The following ALDH5A1 variants were observed in gnomAD, a reference collection of about 807,000 sequenced individuals.
The protein encoded by ALDH5A1 is aldehyde dehydrogenase 5 family member A1, also known as succinate-semialdehyde dehydrogenase, mitochondrial.
Under a neutral mutation model 54.7 loss-of-function variants are expected in ALDH5A1, and 33 were observed. That is an observed-to-expected ratio of 0.60 (90% CI 0.46 to 0.81). The LOEUF is 0.81. Ranked by LOEUF, ALDH5A1 falls within the 30% of genes least tolerant of loss-of-function variation. The probability of loss-of-function intolerance (pLI) is 0.00; values close to 1 mark genes in which losing one functional copy is unlikely to be tolerated. For synonymous variants in ALDH5A1, 294 were observed against 292.7 expected, an observed-to-expected ratio of 1.00 and a Z score of -0.05; for missense variants, 657 against 711.0, an observed-to-expected ratio of 0.92 and a Z score of 0.86.
Position 24,502,538 on chromosome 6 carries a change from C to T in ALDH5A1, c.370C>T (p.Leu124Phe). The change falls in exon 2 of 10, where the codon CTT becomes TTT. Residue 124 changes from leucine (L) to phenylalanine (F), a missense_variant. Leu to Phe is a conservative substitution (Grantham distance 22). Around this residue, in one of 2 missense-constraint regions of ALDH5A1, gnomAD observed 232 missense variants for 194.6 expected, o/e 1.19. Transcript: ENST00000357578. ...TCTTTTGCAGGAGAGGAGTTCATTA[C>T]TTCGGAAGTGGTACAATTTAATGAT... ...EVSAKERSSL[L>F]RKWYNLMIQN... is the part of the protein sequence containing the mutation. The T allele has an allele frequency of 6.2e-7, 1 of 1,612,376 alleles. No homozygotes were observed. The highest frequency in any genetic ancestry group is 8.5e-7 in the Non-Finnish European group (1 of 1,178,424).
At chr6:24,513,345 A>G (rs113105558) in intron 4 of ALDH5A1, among the ~76,000 whole-genome samples, 27 of 152,244 alleles carry the variant, frequency 1.8e-4, no homozygotes, top group African/African-American at 6.0e-4. Context: ...GGTTACAAGC[A>G]TGAGCCACCA....
chr6:24,495,564 G>A (rs1480113593), intron 1 of ALDH5A1, among the ~76,000 whole-genome samples: 2 of 152,216 alleles, frequency 1.3e-5, no homozygotes, highest in Admixed American at 1.3e-4. Context: ...CACGACCCCT[G>A]CCCTCAAGCC....
intron 5 of ALDH5A1, among the ~76,000 whole-genome samples, chr6:24,519,152 C>T (rs981971702): frequency 1.3e-5 from 2 of 151,724 alleles, no homozygotes; most frequent in African/African-American, 2.4e-5. Flanking sequence ...AGTGCAGTGG[C>T]GCGATCCACA....
At chr6:24,498,211 C>T (rs779427146) in intron 1 of ALDH5A1, among the ~76,000 whole-genome samples, 10 of 152,080 alleles carry the variant, frequency 6.6e-5, no homozygotes, top group Non-Finnish European at 1.0e-4. Flanking sequence ...TTTGAGATGT[C>T]GGTTCACACC....
Position 24,518,608 on chromosome 6 carries a change from C to T in ALDH5A1, c.871-1793C>T, listed in dbSNP as rs1312674658. ...AAAGTTTAAATAGTTATGTTGCGTC[C>T]GATAAAGAAATATGTTTAGTCTTAA... On this transcript the variant is annotated intron_variant, in intron 5 of 9. Transcript: ENST00000357578. The surrounding 1 kb of genome is among the most constrained non-coding windows in gnomAD (Gnocchi z 4.2). 6.6e-6 allele frequency among the ~76,000 whole-genome samples: 1 copy of T among 152,092 alleles called. No individual in the cohort carries two copies. Among genetic ancestry groups the T allele is most frequent in the African/African-American group, 2.4e-5 (1 of 41,400 alleles).
At chr6:24,499,974 T>TTGTGTG (rs1332053445) in intron 1 of ALDH5A1, among the ~76,000 whole-genome samples, 21 of 123,788 alleles carry the variant, frequency 1.7e-4, no homozygotes, top group Admixed American at 4.4e-4. Context: ...CTCAGATAAT[T>TTGTGTG]TCTGTGTGTG....
chr6:24,500,130 A>G (rs961734690), intron 1 of ALDH5A1, among the ~76,000 whole-genome samples: 14 of 152,184 alleles, frequency 9.2e-5, no homozygotes, highest in Non-Finnish European at 1.6e-4. Flanking sequence ...TAATAATCCA[A>G]TGTATCCCTT....
Position 24,504,856 on chromosome 6 carries a change from C to T in ALDH5A1, c.610-13C>T, listed in dbSNP as rs1360568893. ...CTTCCTCTCACATACTTCCTCTGCT[C>T]TTCTAACCCCAGTGGAATTTCCCCA... is the stretch of plus-strand genomic sequence containing the variant. On this transcript the variant is annotated splice_polypyrimidine_tract_variant and intron_variant, in intron 3 of 9. Coordinates refer to ENST00000357578, the MANE Select transcript of ALDH5A1 (RefSeq NM_001080.3). The T allele has an allele frequency of 2.1e-5, 34 of 1,610,980 alleles. No homozygotes were observed. The highest frequency in any genetic ancestry group is 2.9e-5 in the Non-Finnish European group (34 of 1,177,214).
intron 1 of ALDH5A1, among the ~76,000 whole-genome samples, chr6:24,501,334 C>T (rs1037242475): frequency 1.3e-5 from 2 of 152,176 alleles, no homozygotes; most frequent in Non-Finnish European, 1.5e-5. Flanking sequence ...TCTGCATGTA[C>T]TAGTCCTCTA....
chr6:24,505,532 C>T (rs1456986688), intron 4 of ALDH5A1, among the ~76,000 whole-genome samples: 1 of 152,110 alleles, frequency 6.6e-6, no homozygotes, highest in Non-Finnish European at 1.5e-5. Flanking sequence ...TTTCCAGACC[C>T]CGCCAGCCTT....
chr6:24,526,939 CTA>C (rs1192061558), intron 7 of ALDH5A1, among the ~76,000 whole-genome samples: 2,166 of 87,590 alleles, frequency 0.025, 71 homozygotes, highest in African/African-American at 0.076. Context: ...ACTATATATT[CTA>C]TATATATATC....
rs1764664671 is a variant in ALDH5A1 at position 24,495,118 on chromosome 6, C to T, written c.122C>T (p.Pro41Leu). 2.3e-6 allele frequency: 3 copies of T among 1,330,208 alleles called. No individual in the cohort carries two copies. The highest frequency in any genetic ancestry group is 6.3e-5 in the East Asian group (2 of 31,632). The allele number at this position is 1,330,208 out of a possible 1,614,324, so 82.4% of individuals were successfully genotyped here. A position where few individuals can be genotyped will look rare whatever the true frequency, so the allele number is the denominator to read the frequency against. The stretch of plus-strand genomic sequence containing the variant: ...CCTGCCTCCGGGCCTGCGCCCGGCC[C>T]GGCCCAGCTCCGCTGCTACGCTGGG... ...LVPASGPAPG[P>L]AQLRCYAGRL... is the part of the protein sequence containing the mutation. Residue 41 changes from proline (P) to leucine (L), a missense_variant, in exon 1 of 10, where the codon CCG becomes CTG. Physicochemically the swap from Pro to Leu is moderately conservative, Grantham distance 98. This residue lies in a region of ALDH5A1 where 232 missense variants were observed against 194.6 expected (regional missense o/e 1.19). Transcript: ENST00000357578.
Position 24,518,560 on chromosome 6 carries a change from A to C in ALDH5A1, c.871-1841A>C, listed in dbSNP as rs1759615317. ...GGAAAAGTCAATGACGTTTCTTAAA[A>C]ATTTTTAAATAAAAACATAAAAAAA... On this transcript the variant is annotated intron_variant, in intron 5 of 9. Transcript: ENST00000357578. This position sits in a 1 kb window ranked among gnomAD's most constrained non-coding sequence, Gnocchi z 4.2. Among the ~76,000 whole-genome samples, 1 of 152,250 alleles carries C rather than the reference A, an allele frequency of 6.6e-6. No homozygotes were observed. Among genetic ancestry groups the C allele is most frequent in the Admixed American group, 6.5e-5 (1 of 15,278 alleles).
chr6:24,507,686 C>A (rs1397267220), intron 4 of ALDH5A1, among the ~76,000 whole-genome samples: 3 of 152,060 alleles, frequency 2.0e-5, no homozygotes, highest in Non-Finnish European at 1.5e-5. Context: ...TGAGTTGAAT[C>A]TTTTTTGTCA....
intron 8 of ALDH5A1, among the ~76,000 whole-genome samples, chr6:24,531,399 A>G (rs142720712): frequency 6.6e-6 from 1 of 152,232 alleles, no homozygotes; most frequent in Admixed American, 6.5e-5. Context: ...TTGCTACTTC[A>G]TAACTGTGTA....
At chr6:24,525,593 A>C (rs1759784281) in intron 7 of ALDH5A1, among the ~76,000 whole-genome samples, 1 of 152,062 alleles carries the variant, frequency 6.6e-6, no homozygotes, top group Non-Finnish European at 1.5e-5. Flanking sequence ...CTGTAGTCCC[A>C]GCTACTCAGG....
rs1175490849 is a variant in ALDH5A1 at position 24,536,704 on chromosome 6, A to G, written c.*2992A>G. ...GTAACAAGAGTCTATTTGCCTTGAA[A>G]AAACAATTATCCTTGAACTTCCTCC... On this transcript the variant is annotated 3_prime_UTR_variant, in exon 10 of 10. Transcript: ENST00000357578. 6.6e-6 allele frequency: 1 copy of G among 152,240 alleles called. No individual in the cohort carries two copies. Among genetic ancestry groups the G allele is most frequent in the African/African-American group, 2.4e-5 (1 of 41,458 alleles). 9.4% of individuals were successfully genotyped at this position (152,240 alleles called of 1,614,324 possible). A position where few individuals can be genotyped will look rare whatever the true frequency, so the allele number is the denominator to read the frequency against.
In ALDH5A1 at chr6:24,533,541, G is replaced by T; in HGVS notation, c.1437G>T (p.Trp479Cys). Residue 479 changes from tryptophan to cysteine, a missense_variant, in exon 10 of 10, where the codon TGG becomes TGT. Physicochemically the swap from Trp to Cys is radical, Grantham distance 215. Coordinates refer to ENST00000357578, the MANE Select transcript of ALDH5A1 (RefSeq NM_001080.3). ...ACTCTCAAGACCCAGCCCAGATCTGGAGAGTGGCAGAGCAGCTGGAAGTGG... is the reference window on the plus strand; with the variant it reads ...ACTCTCAAGACCCAGCCCAGATCTGTAGAGTGGCAGAGCAGCTGGAAGTGG... ...YFYSQDPAQI[W>C]RVAEQLEVGM... The T allele has an allele frequency of 1.2e-6, 2 of 1,614,136 alleles. No homozygotes were observed. The highest frequency in any genetic ancestry group is 1.7e-6 in the Non-Finnish European group (2 of 1,180,026).
chr6:24,508,188 C>A (rs969212253), intron 4 of ALDH5A1, among the ~76,000 whole-genome samples: 1 of 151,652 alleles, frequency 6.6e-6, no homozygotes, highest in African/African-American at 2.4e-5. Flanking sequence ...CATAGTGAAA[C>A]CCCGTCTCTA....
Sources: gnomAD v4.1 joint callset for allele counts (sites outside exome capture counted in the v4.1 genomes callset) on GRCh38, gnomAD v4.1.1 for gene constraint, gnomAD v4.1.1 regional missense constraint, Gnocchi (gnomAD v3.1) non-coding constraint, MANE v1.5 for transcripts, NCBI Gene and HGNC (gene_info 2026-07-23, HGNC 2026-07-21) for gene names.